LRP1B: variants seen among roughly 807,000 people sequenced by gnomAD.
LRP1B encodes the protein low-density lipoprotein receptor-related protein 1B.
LRP1B carries 217 observed loss-of-function variants against 556.6 expected under a neutral mutation model. The observed-to-expected ratio is 0.39, with a 90% CI of 0.35 to 0.44. The LOEUF (loss-of-function observed/expected upper bound fraction) is 0.44, where lower values mean the gene tolerates loss of function less well. LRP1B is among the 20% of genes least tolerant of loss of function. The pLI, the probability that LRP1B is intolerant of heterozygous loss-of-function variation, is 1.00. For synonymous variants in LRP1B, 2,047 were observed against 1,865.8 expected (o/e 1.10, Z -2.50); for missense variants, 5,053 against 5,620.8 (o/e 0.90, Z 3.23).
At chr2:141,341,096 T>C (rs1457297101) in intron 3 of LRP1B, among the ~76,000 whole-genome samples, 1 of 152,224 alleles carries the variant, frequency 6.6e-6, no homozygotes, top group East Asian at 1.9e-4. Flanking sequence ...GAGTTACTTA[T>C]ATTAATCCAT....
rs1246772403 is a variant in LRP1B at position 141,426,061 on chromosome 2, G to A, written c.343+54335C>T. 1.3e-3 allele frequency among the ~76,000 whole-genome samples: 204 copies of A among 152,046 alleles called. 1 individual carries two copies. The highest frequency in any genetic ancestry group is 4.5e-3 in the African/African-American group (186 of 41,482). ...GGGTTTTTATGGTTTTAGGTCTAAC[G>A]TTTAAGGCTTTAATCCATCTTGAAT... On this transcript the variant is annotated intron_variant, in intron 3 of 90. Transcript: ENST00000389484.
intron 47 of LRP1B, among the ~76,000 whole-genome samples, chr2:140,528,489 A>ATTT (rs149584190): frequency 1.3e-5 from 2 of 150,070 alleles, no homozygotes; most frequent in African/African-American, 4.9e-5. Context: ...TGCAGGATGT[A>ATTT]TTTTTTTTTT....
At chr2:141,807,031 G>A (rs368630439) in intron 2 of LRP1B, among the ~76,000 whole-genome samples, 1 of 152,016 alleles carries the variant, frequency 6.6e-6, no homozygotes, top group African/African-American at 2.4e-5. Context: ...CATATACTGA[G>A]CACAAATTAT....
intron 57 of LRP1B, among the ~76,000 whole-genome samples, chr2:140,488,799 C>G (rs982446634): frequency 6.6e-6 from 1 of 151,900 alleles, no homozygotes; most frequent in African/African-American, 2.4e-5. Flanking sequence ...TGCTATGTCT[C>G]AAATTGTTTT....
chr2:140,731,395 TAA>T (rs1687770203), intron 35 of LRP1B, among the ~76,000 whole-genome samples: 1 of 152,306 alleles, frequency 6.6e-6, no homozygotes, highest in Non-Finnish European at 1.5e-5. Context: ...GTGAATAGTA[TAA>T]GAGTTATTAG....
chr2:141,312,328 A>G (rs991355393), intron 3 of LRP1B, among the ~76,000 whole-genome samples: 29 of 152,206 alleles, frequency 1.9e-4, no homozygotes, highest in Non-Finnish European at 5.9e-5. Flanking sequence ...TAATAATGTT[A>G]AACATATTTT....
chr2:141,012,861 G>A (rs1185726453), intron 14 of LRP1B, among the ~76,000 whole-genome samples: 1 of 151,550 alleles, frequency 6.6e-6, no homozygotes, highest in Non-Finnish European at 1.5e-5. Flanking sequence ...ACAATGATAT[G>A]TCTATTAAAA....
At chr2:140,840,109 T>C in intron 30 of LRP1B, 24 bp from the exon 31 acceptor site, 1 of 1,401,104 alleles carries the variant, frequency 7.1e-7, no homozygotes, top group Middle Eastern at 1.8e-4. Context: ...ACATATGGAT[T>C]GAAAATATTA....
At chr2:140,566,506 CG>C (rs918824596) in intron 43 of LRP1B, among the ~76,000 whole-genome samples, 37 of 152,218 alleles carry the variant, frequency 2.4e-4, no homozygotes, top group African/African-American at 8.9e-4. Flanking sequence ...GCACTGCCTC[CG>C]GAGGGAAGAG....
Position 140,778,491 on chromosome 2 carries a change from AT to A in LRP1B, c.5360-2254del, listed in dbSNP as rs200672937. The stretch of plus-strand genomic sequence containing the variant: ...GATTTCTGGAAATATTCATGAATGC[AT>A]TTTTTTTATATGGTATAATGAAACA... On this transcript the variant is annotated intron_variant, in intron 32 of 90. Transcript: ENST00000389484. Among the ~76,000 whole-genome samples the A allele has an allele frequency of 7.1e-3, 1,078 of 152,066 alleles. 9 individuals are homozygous for A. Among genetic ancestry groups the A allele is most frequent in the Middle Eastern group, 0.02 (6 of 294 alleles).
At chr2:140,730,447 A>C (rs1687738824) in intron 35 of LRP1B, among the ~76,000 whole-genome samples, 1 of 152,036 alleles carries the variant, frequency 6.6e-6, no homozygotes, top group African/African-American at 2.4e-5. Flanking sequence ...TCCATTTTAC[A>C]TGTACACATA....
At chr2:141,254,401 A>G in intron 4 of LRP1B, 121 bp downstream of exon 4, 1 of 992,916 alleles carries the variant, frequency 1.0e-6, no homozygotes, top group Non-Finnish European at 1.5e-6. Flanking sequence ...TTAAATCTCA[A>G]GAAAGAAAAG....
intron 2 of LRP1B, among the ~76,000 whole-genome samples, chr2:141,741,875 T>C (rs144437221): frequency 1.3e-5 from 2 of 152,300 alleles, no homozygotes; most frequent in Admixed American, 6.5e-5. Flanking sequence ...ACAACTCCAA[T>C]ATCCTGGGGA....
chr2:141,029,238 T>G (rs1573997332), intron 11 of LRP1B, among the ~76,000 whole-genome samples: 1 of 152,066 alleles, frequency 6.6e-6, no homozygotes, highest in Non-Finnish European at 1.5e-5. Flanking sequence ...AACTTAAAAG[T>G]CATTGCGTGG....
At chr2:140,709,684 C>T (rs1368530291) in intron 37 of LRP1B, among the ~76,000 whole-genome samples, 2 of 152,072 alleles carry the variant, frequency 1.3e-5, no homozygotes, top group Admixed American at 1.3e-4. Context: ...TCAGCTAATT[C>T]ACTCCATTAT....
intron 2 of LRP1B, among the ~76,000 whole-genome samples, chr2:141,515,248 G>T (rs146528678): frequency 0.027 from 4,093 of 151,484 alleles, 92 homozygotes; most frequent in Non-Finnish European, 0.036. Context: ...GTTGCGGTGA[G>T]CCGAGATCGC....
At chr2:141,959,826 G>T (rs1355289258) in intron 1 of LRP1B, among the ~76,000 whole-genome samples, 1 of 151,820 alleles carries the variant, frequency 6.6e-6, no homozygotes, top group Non-Finnish European at 1.5e-5. Context: ...GACACATGTG[G>T]CTGGTAGCTA....
intron 1 of LRP1B, among the ~76,000 whole-genome samples, chr2:141,966,564 A>G (rs1400375335): frequency 1.3e-5 from 2 of 151,734 alleles, no homozygotes; most frequent in Non-Finnish European, 2.9e-5. Flanking sequence ...GAAGTGAAAA[A>G]TACTCAACAT....
At chr2:141,016,975 A>G (rs1230506932) in intron 12 of LRP1B, among the ~76,000 whole-genome samples, 1 of 152,088 alleles carries the variant, frequency 6.6e-6, no homozygotes, top group Non-Finnish European at 1.5e-5. Context: ...ACTGAGGATG[A>G]ACACACTACC....
Sources: gnomAD v4.1 joint callset for allele counts (sites outside exome capture counted in the v4.1 genomes callset) on GRCh38, gnomAD v4.1.1 for gene constraint, MANE v1.5 for transcripts, NCBI Gene and HGNC (gene_info 2026-07-23, HGNC 2026-07-21) for gene names.